CTTNBP2NL: variants seen among roughly 807,000 people sequenced by gnomAD.
CTTNBP2NL encodes CTTNBP2 N-terminal like.
CTTNBP2NL carries 16 observed loss-of-function variants against 32.5 expected under a neutral mutation model. The ratio of observed to expected loss-of-function variants is 0.49; its 90% confidence interval spans 0.33 to 0.75. CTTNBP2NL has a LOEUF of 0.75. CTTNBP2NL is among the 30% of genes least tolerant of loss of function. CTTNBP2NL has a pLI of 0.02. For missense variants in CTTNBP2NL, 645 were observed against 756.0 expected, an observed-to-expected ratio of 0.85 and a Z score of 1.72; for synonymous variants, 298 against 289.4, an observed-to-expected ratio of 1.03 and a Z score of -0.30.
intron 3 of CTTNBP2NL, among the ~76,000 whole-genome samples, chr1:112,436,424 G>A (rs1034463441): frequency 3.9e-5 from 6 of 152,138 alleles, no homozygotes; most frequent in South Asian, 2.1e-4. Flanking sequence ...TCCATATGGT[G>A]TTGCCATCCT....
rs145877936 is a variant in CTTNBP2NL, at chr1:112,420,413, G to A, written c.99+4149G>A. ...CCACCTCAGCCTCCCAAAGTGCTGGGATTACATGCGTGAGCCACCACACCC... is the reference window on the plus strand; with the variant it reads ...CCACCTCAGCCTCCCAAAGTGCTGGAATTACATGCGTGAGCCACCACACCC... On this transcript the variant is annotated intron_variant, in intron 3 of 5. Coordinates refer to ENST00000271277, the MANE Select transcript of CTTNBP2NL (RefSeq NM_018704.3). 3.3e-3 allele frequency among the ~76,000 whole-genome samples: 500 copies of A among 152,162 alleles called. 3 individuals are homozygous for A. Among genetic ancestry groups the A allele is most frequent in the African/African-American group, 0.012 (478 of 41,520 alleles).
At chr1:112,448,201 G>A (rs1440778527) in intron 3 of CTTNBP2NL, among the ~76,000 whole-genome samples, 3 of 152,206 alleles carry the variant, frequency 2.0e-5, no homozygotes, top group Non-Finnish European at 4.4e-5. Context: ...AGAATGGAAA[G>A]TAACAACCAG....
At chr1:112,404,506 A>G (rs759759923) in intron 1 of CTTNBP2NL, among the ~76,000 whole-genome samples, 6 of 152,208 alleles carry the variant, frequency 3.9e-5, no homozygotes, top group Non-Finnish European at 5.9e-5. Context: ...ATCATCCTAC[A>G]TTAGCATTTG....
chr1:112,393,252 A>T (rs550691766), upstream of CTTNBP2NL, among the ~76,000 whole-genome samples: 2,145 of 152,290 alleles, frequency 0.014, 54 homozygotes, highest in African/African-American at 0.048. Flanking sequence ...ATAGTTGATG[A>T]CAGAATAAGA....
upstream of CTTNBP2NL, among the ~76,000 whole-genome samples, chr1:112,392,887 G>A (rs1381734116): frequency 2.6e-5 from 4 of 151,692 alleles, no homozygotes; most frequent in African/African-American, 9.7e-5. Flanking sequence ...ACAGAGTTTC[G>A]CTCTTTGTTG....
chr1:112,409,159 A>G (rs1282184232), intron 1 of CTTNBP2NL, among the ~76,000 whole-genome samples: 1 of 150,700 alleles, frequency 6.6e-6, no homozygotes, highest in Non-Finnish European at 1.5e-5. Flanking sequence ...GAGTCTTTAC[A>G]TAATTGGAGT....
At position 112,415,140 on chromosome 1, in the gene CTTNBP2NL, G is replaced by A. The variant is rs113564317; in HGVS notation, c.-9-1017G>A. Among the ~76,000 whole-genome samples the A allele has an allele frequency of 8.7e-3, 1,328 of 152,210 alleles. 17 individuals are homozygous for A. Among genetic ancestry groups the A allele is most frequent in the Non-Finnish European group, 0.015 (1,030 of 68,008 alleles). On this transcript the variant is annotated intron_variant, in intron 2 of 5. Transcript: ENST00000271277. ...CAGGAGGTTGAGGCTGCAGTGAGCCGTGTTTGCACCACTACACTCCAGCCT... is the reference window on the plus strand; with the variant it reads ...CAGGAGGTTGAGGCTGCAGTGAGCCATGTTTGCACCACTACACTCCAGCCT...
chr1:112,402,042 C>G (rs1010683565), intron 1 of CTTNBP2NL, among the ~76,000 whole-genome samples: 1 of 152,162 alleles, frequency 6.6e-6, no homozygotes, highest in African/African-American at 2.4e-5. Flanking sequence ...GCTTCGGGAG[C>G]ATCTGCGTAG....
At chr1:112,415,030 A>G (rs1649013398) in intron 2 of CTTNBP2NL, 1 of 152,054 alleles carries the variant, frequency 6.6e-6, no homozygotes, top group African/African-American at 2.4e-5. Flanking sequence ...TCTACAAACA[A>G]TAAAAAATAA....
At chr1:112,434,271 A>G (rs2101018838) in intron 3 of CTTNBP2NL, among the ~76,000 whole-genome samples, 1 of 152,162 alleles carries the variant, frequency 6.6e-6, no homozygotes, top group South Asian at 2.1e-4. Flanking sequence ...TGTGCACCTA[A>G]ATATCCCGTA....
chr1:112,418,453 AT>A (rs1649128301), intron 3 of CTTNBP2NL, among the ~76,000 whole-genome samples: 1 of 152,104 alleles, frequency 6.6e-6, no homozygotes, highest in South Asian at 2.1e-4. Context: ...AATGTAACAC[AT>A]TATTCAGTGT....
intron 3 of CTTNBP2NL, among the ~76,000 whole-genome samples, chr1:112,430,128 G>T (rs1291991385): frequency 1.3e-5 from 2 of 152,132 alleles, no homozygotes; most frequent in Non-Finnish European, 2.9e-5. Flanking sequence ...GCTCCATTCA[G>T]AAAAACATCA....
upstream of CTTNBP2NL, chr1:112,396,178 A>T (rs1481008549): frequency 1.3e-5 from 2 of 152,294 alleles, no homozygotes; most frequent in African/African-American, 4.8e-5. Flanking sequence ...GGTGAATGCC[A>T]ATGCCCCCGC....
chr1:112,404,861 G>A (rs1648612661), intron 1 of CTTNBP2NL, among the ~76,000 whole-genome samples: 1 of 152,184 alleles, frequency 6.6e-6, no homozygotes, highest in Admixed American at 6.5e-5. Context: ...AGACCAGCTT[G>A]ACCAAAATGG....
At position 112,459,960 on chromosome 1, in the gene CTTNBP2NL, C is replaced by A. The variant is rs1012095049; in HGVS notation, c.*2548C>A. The A allele has an allele frequency of 1.3e-5, 2 of 152,148 alleles. No homozygotes were observed. The highest frequency in any genetic ancestry group is 2.9e-5 in the Non-Finnish European group (2 of 68,028). 9.4% of individuals were successfully genotyped at this position (152,148 alleles called of 1,614,324 possible). ...GCCTACCTTCTGAGATAAATAAGCA[C>A]AATCTTGCAATGGATCCAATAACCC... On this transcript the variant is annotated 3_prime_UTR_variant, in exon 6 of 6. Transcript: ENST00000271277.
intron 2 of CTTNBP2NL, among the ~76,000 whole-genome samples, chr1:112,413,702 A>G (rs935333880): frequency 1.3e-5 from 2 of 152,312 alleles, no homozygotes; most frequent in East Asian, 3.9e-4. Context: ...GTTATCAGAT[A>G]TATCCCTGAT....
chr1:112,428,558 A>T (rs929681112), intron 3 of CTTNBP2NL, among the ~76,000 whole-genome samples: 10 of 152,180 alleles, frequency 6.6e-5, no homozygotes, highest in African/African-American at 2.4e-4. Flanking sequence ...GGAAGAAAAA[A>T]GAAGACTTGA....
At chr1:112,392,746 C>T (rs1648215314), upstream of CTTNBP2NL, among the ~76,000 whole-genome samples, 1 of 152,102 alleles carries the variant, frequency 6.6e-6, no homozygotes, top group Non-Finnish European at 1.5e-5. Flanking sequence ...GATGTAGTTA[C>T]ACGCCAATGA....
intron 3 of CTTNBP2NL, among the ~76,000 whole-genome samples, chr1:112,419,676 G>T (rs560144165): frequency 6.6e-6 from 1 of 152,152 alleles, no homozygotes; most frequent in Non-Finnish European, 1.5e-5. Flanking sequence ...AATGAAAAAC[G>T]TAAAATTGAA....
Sources: allele counts gnomAD v4.1 joint callset (sites outside exome capture counted in the v4.1 genomes callset), GRCh38; gene constraint gnomAD v4.1.1; transcripts MANE v1.5; gene names NCBI Gene and HGNC (gene_info 2026-07-23, HGNC 2026-07-21).